DLC1: variants seen among roughly 807,000 people sequenced by gnomAD.
The protein encoded by DLC1 is DLC1 Rho GTPase activating protein.
A neutral mutation model predicts 140.3 loss-of-function variants in DLC1; 54 were observed. The ratio of observed to expected loss-of-function variants is 0.38; its 90% CI spans 0.31 to 0.48. The LOEUF (loss-of-function observed/expected upper bound fraction) is 0.48, where lower values mean the gene tolerates loss of function less well. Among genes scored for constraint, DLC1 ranks in the 20% least tolerant of loss-of-function variants. The pLI is 0.96. For synonymous variants in DLC1, 986 were observed against 728.1 expected (o/e 1.35, Z -5.70); for missense variants, 2,536 against 1,907.0 (o/e 1.33, Z -6.14).
intron 1 of DLC1, among the ~76,000 whole-genome samples, chr8:13,512,870 A>G (rs1802438451): frequency 6.6e-6 from 1 of 152,098 alleles, no homozygotes; most frequent in Admixed American, 6.6e-5. Context: ...AAAGCAAGTT[A>G]CTACTGTAAA....
chr8:13,128,754 G>A (rs564598845), intron 5 of DLC1, among the ~76,000 whole-genome samples: 1 of 151,834 alleles, frequency 6.6e-6, no homozygotes, highest in Non-Finnish European at 1.5e-5. Flanking sequence ...AGAATGGCGT[G>A]AACCCGGGAG....
chr8:13,198,092 AC>A (rs1329462077), intron 5 of DLC1, among the ~76,000 whole-genome samples: 1 of 152,108 alleles, frequency 6.6e-6, no homozygotes, highest in African/African-American at 2.4e-5. Flanking sequence ...CTCAAAAAAA[AC>A]AAACGAAAAA....
chr8:13,293,135 C>T lies in DLC1; in HGVS notation c.1348+12134G>A, dbSNP rs115853425. On this transcript the variant is annotated intron_variant, in intron 5 of 17. Coordinates refer to ENST00000276297, the MANE Select transcript of DLC1 (RefSeq NM_182643.3). ...GTCCCACTTACTGGGGAGGCTGAGGCGGGAAGATTGCTTAAGCCCAGGAGT... is the reference window on the plus strand; with the variant it reads ...GTCCCACTTACTGGGGAGGCTGAGGTGGGAAGATTGCTTAAGCCCAGGAGT... Among the ~76,000 whole-genome samples the T allele has an allele frequency of 4.5e-3, 684 of 152,188 alleles. 2 individuals carry two copies. Among genetic ancestry groups the T allele is most frequent in the African/African-American group, 0.016 (659 of 41,526 alleles).
rs929705415 is a variant in DLC1, at chr8:13,095,169, C to T, written c.3244G>A (p.Val1082Ile). The T allele has an allele frequency of 6.2e-7, 1 of 1,614,114 alleles. No homozygotes were observed. The highest frequency in any genetic ancestry group is 1.3e-5 in the African/African-American group (1 of 74,936). Residue 1082 changes from valine (V) to isoleucine (I), a missense_variant, in exon 11 of 18, where the codon GTC (valine) becomes ATC (isoleucine). By Grantham distance (29) the Val-to-Ile change is conservative (BLOSUM62 3). Transcript: ENST00000276297. ...GGTTGTCCTGTGCGCTGCACGTTGA[C>T]CGTCAGTGGGACCCCAAACACACTC... ...DRSVFGVPLTVNVQRTGQPLP... is the reference protein window; with the variant it reads ...DRSVFGVPLTINVQRTGQPLP...
intron 4 of DLC1, among the ~76,000 whole-genome samples, chr8:13,348,442 A>T (rs9643940): frequency 0.039 from 5,955 of 152,178 alleles, 603 homozygotes; most frequent in East Asian, 0.36. Flanking sequence ...ACATTGAGAG[A>T]TTTGCATTTT....
chr8:13,105,621 C>T (rs1207067000), intron 7 of DLC1, among the ~76,000 whole-genome samples: 2 of 148,354 alleles, frequency 1.3e-5, no homozygotes, highest in Non-Finnish European at 3.0e-5. Flanking sequence ...GACAGTCTTG[C>T]TCTATTGCCC....
intron 4 of DLC1, among the ~76,000 whole-genome samples, chr8:13,306,955 G>A (rs1228434866): frequency 1.3e-5 from 2 of 151,494 alleles, no homozygotes; most frequent in African/African-American, 4.9e-5. Flanking sequence ...ATAGTGGCAG[G>A]TGCCCGTAAT....
intron 4 of DLC1, among the ~76,000 whole-genome samples, chr8:13,384,001 C>T (rs571501635): frequency 6.6e-6 from 1 of 152,260 alleles, no homozygotes; most frequent in East Asian, 1.9e-4. Context: ...TGGCTTAAAA[C>T]AGTACTAATC....
intron 7 of DLC1, among the ~76,000 whole-genome samples, chr8:13,103,637 G>C (rs1251282915): frequency 6.6e-6 from 1 of 151,918 alleles, no homozygotes; most frequent in Non-Finnish European, 1.5e-5. Flanking sequence ...TCAGGAGTTT[G>C]AGACCAGCCT....
intron 4 of DLC1, among the ~76,000 whole-genome samples, chr8:13,334,971 A>C (rs1320949557): frequency 6.6e-6 from 1 of 152,190 alleles, no homozygotes; most frequent in Non-Finnish European, 1.5e-5. Flanking sequence ...TAAATGGCAG[A>C]GTCTGAATTA....
At chr8:13,333,072 GT>G (rs558026743) in intron 4 of DLC1, among the ~76,000 whole-genome samples, 5 of 151,902 alleles carry the variant, frequency 3.3e-5, no homozygotes, top group Non-Finnish European at 7.4e-5. Context: ...ATATATTACA[GT>G]TTTTTCATAT....
chr8:13,550,164 G>A (rs1803796155), intron 1 of DLC1, among the ~76,000 whole-genome samples: 1 of 152,074 alleles, frequency 6.6e-6, no homozygotes, highest in African/African-American at 2.4e-5. Flanking sequence ...GAACCTGAGG[G>A]GAGGTGATTG....
chr8:13,281,795 G>A (rs1026763391), intron 5 of DLC1, among the ~76,000 whole-genome samples: 11 of 152,310 alleles, frequency 7.2e-5, no homozygotes, highest in Admixed American at 7.2e-4. Flanking sequence ...TTCTTCTTGA[G>A]TCATGTAACA....
At chr8:13,491,307 T>C (rs983126850) in intron 2 of DLC1, among the ~76,000 whole-genome samples, 1 of 151,824 alleles carries the variant, frequency 6.6e-6, no homozygotes, top group African/African-American at 2.4e-5. Flanking sequence ...TGCCATCTTC[T>C]CTCCACTCCA....
chr8:13,375,802 AAAG>A (rs1365928110), intron 4 of DLC1, among the ~76,000 whole-genome samples: 1 of 152,196 alleles, frequency 6.6e-6, no homozygotes, highest in East Asian at 1.9e-4. Context: ...ATTTGAATTC[AAAG>A]AAGAACATAA....
At chr8:13,351,959 G>A (rs980782393) in intron 4 of DLC1, among the ~76,000 whole-genome samples, 2 of 152,122 alleles carry the variant, frequency 1.3e-5, no homozygotes, top group African/African-American at 4.8e-5. Flanking sequence ...GTCTCGAACT[G>A]CTGACCTCAG....
chr8:13,591,604 C>T (rs1281513272), intron 1 of DLC1, among the ~76,000 whole-genome samples: 1 of 152,008 alleles, frequency 6.6e-6, no homozygotes, highest in African/African-American at 2.4e-5. Context: ...TGAGAACAGA[C>T]TAATACAGGG....
chr8:13,231,515 G>C (rs186735695), intron 5 of DLC1, among the ~76,000 whole-genome samples: 25 of 152,270 alleles, frequency 1.6e-4, no homozygotes, highest in African/African-American at 6.0e-4. Context: ...ATTTACAAAA[G>C]GAATACATGC....
intron 1 of DLC1, among the ~76,000 whole-genome samples, chr8:13,581,742 A>G (rs974400240): frequency 1.3e-5 from 2 of 152,146 alleles, no homozygotes; most frequent in Middle Eastern, 3.2e-3. Context: ...ATCGCTTCCC[A>G]TAGAATAACA....
Sources: allele counts gnomAD v4.1 joint callset (sites outside exome capture counted in the v4.1 genomes callset), GRCh38; gene constraint gnomAD v4.1.1; transcripts MANE v1.5; gene names NCBI Gene and HGNC (gene_info 2026-07-23, HGNC 2026-07-21).